TM9SF3: variants seen among roughly 807,000 people sequenced by gnomAD.
TM9SF3 encodes the protein SM-11044-binding protein.
Under a neutral mutation model 78.6 loss-of-function variants are expected in TM9SF3, and 14 were observed. The observed-to-expected ratio is 0.18, with a 90% confidence interval of 0.12 to 0.28. The LOEUF (loss-of-function observed/expected upper bound fraction) is 0.28, where lower values mean the gene tolerates loss of function less well. Ranked by LOEUF, TM9SF3 falls within the 10% of genes least tolerant of loss-of-function variation. The probability of loss-of-function intolerance (pLI) is 1.00; values close to 1 mark genes in which losing one functional copy is unlikely to be tolerated. For missense variants in TM9SF3, 496 were observed against 721.9 expected (o/e 0.69, Z 3.59); for synonymous variants, 231 against 241.7 (o/e 0.96, Z 0.41).
intron 5 of TM9SF3, among the ~76,000 whole-genome samples, chr10:96,553,909 A>G (rs1848204438): frequency 6.6e-6 from 1 of 152,206 alleles, no homozygotes; most frequent in South Asian, 2.1e-4. Context: ...AATTCCCAAA[A>G]GATCTTTAGG....
chr10:96,565,758 C>A (rs1848361303), intron 2 of TM9SF3, among the ~76,000 whole-genome samples: 1 of 151,982 alleles, frequency 6.6e-6, no homozygotes, highest in African/African-American at 2.4e-5. Flanking sequence ...AGCTTAAACA[C>A]ATAACAAAGT....
At chr10:96,578,598 C>G (rs1848524181) in intron 1 of TM9SF3, among the ~76,000 whole-genome samples, 1 of 152,194 alleles carries the variant, frequency 6.6e-6, no homozygotes, top group Non-Finnish European at 1.5e-5. Context: ...CATTACTATT[C>G]TTTTTATTTG....
chr10:96,565,838 T>C (rs1848362813), intron 2 of TM9SF3, among the ~76,000 whole-genome samples: 1 of 152,102 alleles, frequency 6.6e-6, no homozygotes, highest in Admixed American at 6.5e-5. Flanking sequence ...AGCTATAAGA[T>C]CTCTCTGAGA....
chr10:96,565,448 A>G, intron 2 of TM9SF3, 22 bp from the exon 3 acceptor site: 1 of 1,533,118 alleles, frequency 6.5e-7, no homozygotes. Context: ...AAAAATTGCA[A>G]ATTAGCCCAC....
At chr10:96,569,249 T>C (rs1848412077) in intron 2 of TM9SF3, among the ~76,000 whole-genome samples, 1 of 152,190 alleles carries the variant, frequency 6.6e-6, no homozygotes, top group South Asian at 2.1e-4. Context: ...CACACCCCTT[T>C]GAGAATCCAA....
chr10:96,549,669 C>A (rs1443503953), intron 7 of TM9SF3, among the ~76,000 whole-genome samples: 1 of 152,030 alleles, frequency 6.6e-6, no homozygotes, highest in East Asian at 1.9e-4. Flanking sequence ...ATTACATTCA[C>A]TTCAAATAAA....
intron 8 of TM9SF3, among the ~76,000 whole-genome samples, chr10:96,545,891 AAATCAATC>A (rs10602624): frequency 0.2 from 30,902 of 150,846 alleles, 3,504 homozygotes; most frequent in Admixed American, 0.3. Flanking sequence ...CTCCATCTCA[AAATCAATC>A]AATCAATCAA....
chr10:96,579,919 C>A (rs1406015377), intron 1 of TM9SF3, among the ~76,000 whole-genome samples: 1 of 152,186 alleles, frequency 6.6e-6, no homozygotes, highest in African/African-American at 2.4e-5. Flanking sequence ...CACACAACTT[C>A]TGAAGGAGAA....
intron 1 of TM9SF3, among the ~76,000 whole-genome samples, chr10:96,580,422 C>T (rs1439570585): frequency 6.6e-6 from 1 of 152,108 alleles, no homozygotes; most frequent in African/African-American, 2.4e-5. Flanking sequence ...CCCACCACCA[C>T]ACCCGGCTAA....
Position 96,528,039 on chromosome 10 carries a change from ATCT to A in TM9SF3, c.1530_1532del (p.Glu510del), listed in dbSNP as rs773048445. ...CACAAATAGGTACTTACCACCGGTA[ATCT>A]TCTGCATTTAGTAGAAAATATGTGC... is the stretch of plus-strand genomic sequence containing the variant. On this transcript the variant is annotated inframe_deletion, in exon 12 of 15. Transcript: ENST00000371142. 1 of 1,610,622 alleles carries A rather than the reference ATCT, an allele frequency of 6.2e-7. No homozygotes were observed. Among genetic ancestry groups the A allele is most frequent in the Non-Finnish European group, 8.5e-7 (1 of 1,178,054 alleles).
At chr10:96,583,868 T>C (rs1848601419) in intron 1 of TM9SF3, among the ~76,000 whole-genome samples, 1 of 152,042 alleles carries the variant, frequency 6.6e-6, no homozygotes, top group Non-Finnish European at 1.5e-5. Flanking sequence ...ACCTCGTCTC[T>C]ACTAAAAATA....
At chr10:96,527,368 A>T (rs1847850818) in intron 13 of TM9SF3, 45 bp downstream of exon 13, 1 of 1,590,608 alleles carries the variant, frequency 6.3e-7, no homozygotes, top group Non-Finnish European at 8.6e-7. Flanking sequence ...TTTAAAGGAC[A>T]AATTTAGTTT....
chr10:96,540,769 CTTTTTTTTT>C (rs68126103), intron 9 of TM9SF3, among the ~76,000 whole-genome samples: 5 of 51,308 alleles, frequency 9.7e-5, no homozygotes, highest in Non-Finnish European at 1.3e-4. Flanking sequence ...TATTACCTTT[CTTTTTTTTT>C]TTTTTTTTTT....
At chr10:96,559,429 CG>C (rs775248220) in intron 5 of TM9SF3, among the ~76,000 whole-genome samples, 5 of 152,198 alleles carry the variant, frequency 3.3e-5, no homozygotes, top group Non-Finnish European at 7.3e-5. Flanking sequence ...TTATATTCTT[CG>C]TTTATCTCTT....
intron 1 of TM9SF3, among the ~76,000 whole-genome samples, chr10:96,581,891 C>T (rs1301136358): frequency 2.0e-5 from 3 of 152,214 alleles, no homozygotes; most frequent in Admixed American, 1.3e-4. Context: ...CAGAAGTACA[C>T]TGGGCCACAG....
At chr10:96,575,631 G>A (rs1589463763) in intron 2 of TM9SF3, among the ~76,000 whole-genome samples, 1 of 151,464 alleles carries the variant, frequency 6.6e-6, no homozygotes, top group East Asian at 1.9e-4. Context: ...AACATCTTTA[G>A]TACTAAAAAT....
intron 8 of TM9SF3, 32 bp downstream of exon 8, chr10:96,547,863 T>C (rs750029502): frequency 1.5e-5 from 23 of 1,527,050 alleles, no homozygotes; most frequent in Non-Finnish European, 2.0e-5. Flanking sequence ...GCATCTATAA[T>C]TAACAACATG....
chr10:96,549,373 A>AC (rs1177676774), intron 7 of TM9SF3, among the ~76,000 whole-genome samples: 1 of 152,116 alleles, frequency 6.6e-6, no homozygotes, highest in Non-Finnish European at 1.5e-5. Flanking sequence ...CATTTCCGTA[A>AC]CATAGCAAAT....
At position 96,519,734 on chromosome 10, in the gene TM9SF3, G is replaced by A. The variant is rs767707779; in HGVS notation, c.*2529C>T. On this transcript the variant is annotated 3_prime_UTR_variant, in exon 15 of 15. Coordinates refer to ENST00000371142, the MANE Select transcript of TM9SF3 (RefSeq NM_020123.4). Reference sequence around the variant, plus strand: ...TCTATTTTCTATTCTACAACTGAGCGCTAGGGAGCTAAACTATTTGTGAAT... The same window carrying A: ...TCTATTTTCTATTCTACAACTGAGCACTAGGGAGCTAAACTATTTGTGAAT... The A allele has an allele frequency of 4.0e-5, 6 of 151,730 alleles. No individual in the cohort carries two copies. The highest frequency in any genetic ancestry group is 1.5e-4 in the African/African-American group (6 of 41,376). The allele number at this position is 151,730 out of a possible 1,614,324, so 9.4% of individuals were successfully genotyped here.
Sources: allele counts gnomAD v4.1 joint callset (sites outside exome capture counted in the v4.1 genomes callset), GRCh38; gene constraint gnomAD v4.1.1; transcripts MANE v1.5; gene names NCBI Gene and HGNC (gene_info 2026-07-23, HGNC 2026-07-21).